Variants in NXPE2 observed in about 807,000 individuals in gnomAD.
The protein encoded by NXPE2 is NXPE family member 2.
NXPE2 carries 34 observed loss-of-function variants against 34.4 expected under a neutral mutation model. The ratio of observed to expected loss-of-function variants is 0.99; its 90% CI spans 0.75 to 1.31. The LOEUF (loss-of-function observed/expected upper bound fraction) is 1.31, where lower values mean the gene tolerates loss of function less well. Ranked by LOEUF, NXPE2 falls within the 40% of genes most tolerant of loss-of-function variation. The pLI is 0.00. For missense variants in NXPE2, 649 were observed against 672.5 expected, an observed-to-expected ratio of 0.97 and a Z score of 0.39; for synonymous variants, 235 against 231.3, an observed-to-expected ratio of 1.02 and a Z score of -0.15.
At chr11:114,779,607 C>T in the NXPE2 span, among the ~76,000 whole-genome samples, 1 of 152,188 alleles carries the variant, frequency 6.6e-6, no homozygotes, top group Non-Finnish European at 1.5e-5. Flanking sequence ...CAGTTTCTGG[C>T]TTTGTTTGGG....
chr11:114,566,990 A>G, the NXPE2 span, among the ~76,000 whole-genome samples: 291 of 152,292 alleles, frequency 1.9e-3, no homozygotes, highest in African/African-American at 6.8e-3. Context: ...TATAGTGAGC[A>G]CTTTGCTAAG....
At chr11:114,747,709 C>G in the NXPE2 span, among the ~76,000 whole-genome samples, 1 of 152,102 alleles carries the variant, frequency 6.6e-6, no homozygotes, top group African/African-American at 2.4e-5. Context: ...GCGGAGAAAC[C>G]AATCACCTGC....
At chr11:114,764,185 G>T in the NXPE2 span, among the ~76,000 whole-genome samples, 1 of 152,070 alleles carries the variant, frequency 6.6e-6, no homozygotes, top group African/African-American at 2.4e-5. Context: ...TGCATCATGT[G>T]ATCCTTGCTG....
At chr11:114,684,439 A>G (rs1951006754) in intron 2 of NXPE2, among the ~76,000 whole-genome samples, 1 of 152,124 alleles carries the variant, frequency 6.6e-6, no homozygotes, top group Non-Finnish European at 1.5e-5. Flanking sequence ...AAAAAAGAAA[A>G]GAAAAAAAAA....
chr11:114,643,572 T>G, the NXPE2 span, among the ~76,000 whole-genome samples: 1 of 152,104 alleles, frequency 6.6e-6, no homozygotes, highest in African/African-American at 2.4e-5. Context: ...GTTGTAGATG[T>G]GTGGCGTTAT....
chr11:114,689,173 A>C (rs1951103907), intron 2 of NXPE2, among the ~76,000 whole-genome samples: 1 of 151,836 alleles, frequency 6.6e-6, no homozygotes, highest in African/African-American at 2.4e-5. Flanking sequence ...TTAGGTGTGA[A>C]GTTAGGTTAG....
the NXPE2 span, among the ~76,000 whole-genome samples, chr11:114,470,747 A>G: frequency 6.6e-6 from 1 of 152,090 alleles, no homozygotes; most frequent in South Asian, 2.1e-4. Flanking sequence ...CTCAAGTCCA[A>G]AGGCTGGAGG....
the NXPE2 span, among the ~76,000 whole-genome samples, chr11:114,713,128 G>C: frequency 6.6e-6 from 1 of 152,178 alleles, no homozygotes; most frequent in African/African-American, 2.4e-5. Context: ...GCTGGTAGGA[G>C]AGGGAGTTAG....
chr11:114,638,292 C>T, the NXPE2 span, among the ~76,000 whole-genome samples: 1,349 of 152,094 alleles, frequency 8.9e-3, 22 homozygotes, highest in African/African-American at 0.031. Context: ...ATGTAGTTCT[C>T]GAGCCTTGGT....
At chr11:114,723,928 C>A in the NXPE2 span, among the ~76,000 whole-genome samples, 2 of 152,102 alleles carry the variant, frequency 1.3e-5, no homozygotes, top group Non-Finnish European at 2.9e-5. Flanking sequence ...CGAACCCTCT[C>A]CTATTTTGCT....
chr11:114,674,419 A>T (rs1950834684), upstream of NXPE2, among the ~76,000 whole-genome samples: 1 of 151,826 alleles, frequency 6.6e-6, no homozygotes, highest in Non-Finnish European at 1.5e-5. Flanking sequence ...TAGATTCCAC[A>T]TTAGGAGAGA....
the NXPE2 span, among the ~76,000 whole-genome samples, chr11:114,639,260 A>T: frequency 6.6e-6 from 1 of 151,642 alleles, no homozygotes; most frequent in Non-Finnish European, 1.5e-5. Flanking sequence ...TGGGCATAGG[A>T]CCCTCCGAGC....
At chr11:114,728,100 C>T in the NXPE2 span, among the ~76,000 whole-genome samples, 5 of 152,004 alleles carry the variant, frequency 3.3e-5, no homozygotes, top group African/African-American at 1.2e-4. Flanking sequence ...AGCAATGTAA[C>T]GTCCTCAAAT....
chr11:114,620,701 G>A, the NXPE2 span, among the ~76,000 whole-genome samples: 1 of 152,012 alleles, frequency 6.6e-6, no homozygotes, highest in South Asian at 2.1e-4. Context: ...GTTACCTGGT[G>A]GATAATAAGT....
At chr11:114,580,284 G>C in the NXPE2 span, 1 of 1,614,038 alleles carries the variant, frequency 6.2e-7, no homozygotes, top group South Asian at 1.1e-5. Context: ...ATGCCCACTG[G>C]GGATTGTGGA....
the NXPE2 span, among the ~76,000 whole-genome samples, chr11:114,476,496 G>C: frequency 5.3e-5 from 8 of 152,108 alleles, no homozygotes; most frequent in Non-Finnish European, 1.2e-4. Flanking sequence ...CTGCTATAAA[G>C]AATACCTGAG....
the NXPE2 span, among the ~76,000 whole-genome samples, chr11:114,601,678 T>A: frequency 7.4e-5 from 2 of 27,040 alleles, no homozygotes; most frequent in African/African-American, 1.8e-4. Context: ...ATATTATAAT[T>A]ATAGATTATA....
the NXPE2 span, among the ~76,000 whole-genome samples, chr11:114,559,593 A>G: frequency 2.0e-5 from 3 of 151,068 alleles, no homozygotes; most frequent in Non-Finnish European, 4.4e-5. Flanking sequence ...TGTCAGTAAG[A>G]GAGGCTCTCA....
the NXPE2 span, among the ~76,000 whole-genome samples, chr11:114,813,118 C>T: frequency 6.6e-6 from 1 of 152,166 alleles, no homozygotes; most frequent in Non-Finnish European, 1.5e-5. Flanking sequence ...AATTGCTGCA[C>T]TCATCACAGG....
Sources: gnomAD v4.1 joint callset for allele counts (sites outside exome capture counted in the v4.1 genomes callset) on GRCh38, gnomAD v4.1.1 for gene constraint, MANE v1.5 for transcripts, NCBI Gene and HGNC (gene_info 2026-07-23, HGNC 2026-07-21) for gene names.